MTMR2: variants seen among roughly 807,000 people sequenced by gnomAD.
The protein encoded by MTMR2 is phosphatidylinositol-3,5-bisphosphate 3-phosphatase MTMR2.
In MTMR2, 55 loss-of-function variants were observed where a neutral mutation model predicts 86.9. The ratio of observed to expected loss-of-function variants is 0.63; its 90% CI spans 0.51 to 0.79. The LOEUF is 0.79. Ranked by LOEUF, MTMR2 falls within the 30% of genes least tolerant of loss-of-function variation. The pLI is 0.00. For missense variants in MTMR2, 659 were observed against 772.3 expected (o/e 0.85, Z 1.74); for synonymous variants, 241 against 266.8 (o/e 0.90, Z 0.94).
At position 95,924,071 on chromosome 11, in the gene MTMR2, G is replaced by A. The variant is rs899952148; in HGVS notation, c.-117C>T. The A allele has an allele frequency of 1.1e-5, 15 of 1,347,242 alleles. No homozygotes were observed. In the African/African-American group the frequency reaches 1.2e-4, roughly 10 times the overall value. 83.5% of individuals were successfully genotyped at this position (1,347,242 alleles called of 1,614,324 possible). On this transcript the variant is annotated 5_prime_UTR_variant, in exon 1 of 15. Coordinates refer to ENST00000346299, the MANE Select transcript of MTMR2 (RefSeq NM_016156.6). ...CGCAGTCAGGCCAGCGCCGGCCCGG[G>A]AGGGAGACCGGAAGCGGCCATGTTC...
At chr11:95,894,852 T>C (rs1258601109) in intron 1 of MTMR2, among the ~76,000 whole-genome samples, 1 of 152,090 alleles carries the variant, frequency 6.6e-6, no homozygotes, top group Non-Finnish European at 1.5e-5. Context: ...TCACCAATAA[T>C]AACTTTTCTC....
At chr11:95,835,971 C>T (rs1863254034) in intron 14 of MTMR2, among the ~76,000 whole-genome samples, 177 bp downstream of exon 14, 1 of 151,986 alleles carries the variant, frequency 6.6e-6, no homozygotes, top group Non-Finnish European at 1.5e-5. Context: ...GTCCTAAGAA[C>T]CAGGTATACT....
intron 1 of MTMR2, among the ~76,000 whole-genome samples, chr11:95,898,515 A>AACAC (rs573847198): frequency 6.6e-6 from 1 of 151,916 alleles, no homozygotes; most frequent in African/African-American, 2.4e-5. Flanking sequence ...TGTCTCTACA[A>AACAC]ACACACACAC....
intron 2 of MTMR2, among the ~76,000 whole-genome samples, chr11:95,879,369 C>T (rs1865240951): frequency 6.6e-6 from 1 of 152,134 alleles, no homozygotes; most frequent in South Asian, 2.1e-4. Context: ...GATTTGAAAC[C>T]TGGAATCATC....
intron 1 of MTMR2, among the ~76,000 whole-genome samples, chr11:95,901,608 A>G (rs1866077002): frequency 6.6e-6 from 1 of 152,216 alleles, no homozygotes; most frequent in African/African-American, 2.4e-5. Flanking sequence ...AGAAGCAGAT[A>G]CAGAATTGGA....
At chr11:95,893,703 T>A (rs1865788832) in intron 1 of MTMR2, among the ~76,000 whole-genome samples, 1 of 152,062 alleles carries the variant, frequency 6.6e-6, no homozygotes, top group Non-Finnish European at 1.5e-5. Context: ...GTGACTTTTT[T>A]AAACCATAAC....
Position 95,862,364 on chromosome 11 carries a change from T to C in MTMR2, c.265A>G (p.Lys89Glu). 1 of 1,613,614 alleles carries C rather than the reference T, an allele frequency of 6.2e-7. No individual in the cohort carries two copies. The highest frequency in any genetic ancestry group is 8.5e-7 in the Non-Finnish European group (1 of 1,179,536). ...AATGGACATATATAAGTTACATCTT[T>C]GGCTGAAAAAGCAAGAAGTCCACAG... ...LPGENIKDMA[K>E]DVTYICPFTG... The change falls in exon 4 of 15, where the codon AAA becomes GAA. Residue 89 changes from lysine to glutamate, a missense_variant and splice_region_variant. Transcript: ENST00000346299.
At chr11:95,906,612 C>T (rs1461144727) in intron 1 of MTMR2, among the ~76,000 whole-genome samples, 1 of 152,150 alleles carries the variant, frequency 6.6e-6, no homozygotes, top group East Asian at 1.9e-4. Flanking sequence ...ATGGCACATA[C>T]TCTAAAATCG....
At position 95,841,686 on chromosome 11, in the gene MTMR2, G is replaced by A; in HGVS notation, c.1410C>T (p.Asn470=). Residue 470 remains asparagine (N), a synonymous_variant, in exon 12 of 15, where the codon AAC becomes AAT. Coordinates refer to ENST00000346299, the MANE Select transcript of MTMR2 (RefSeq NM_016156.6). ...CAGGCGATCTGTCTGCATCTGCATG[G>A]TTCTTATCTCCATGGCCAACTCTCT... ...FQLRVGHGDK[N]HADADRSPVF... 6.2e-7 allele frequency: 1 copy of A among 1,613,428 alleles called. No individual in the cohort carries two copies. Among genetic ancestry groups the A allele is most frequent in the South Asian group, 1.1e-5 (1 of 91,080 alleles).
intron 13 of MTMR2, among the ~76,000 whole-genome samples, chr11:95,837,114 G>A (rs1301910024): frequency 6.6e-6 from 1 of 151,952 alleles, no homozygotes; most frequent in Non-Finnish European, 1.5e-5. Flanking sequence ...TTAAGTTGTT[G>A]AGTGCCTGCT....
Position 95,919,121 on chromosome 11 carries a change from AGCTACT to A in MTMR2, c.80+4748_80+4753del, listed in dbSNP as rs111413625. Among the ~76,000 whole-genome samples, 858 of 152,332 alleles carry A rather than the reference AGCTACT, an allele frequency of 5.6e-3. 5 individuals carry two copies. Among genetic ancestry groups the A allele is most frequent in the African/African-American group, 8.0e-3 (333 of 41,568 alleles). On this transcript the variant is annotated intron_variant, in intron 1 of 14. Coordinates refer to ENST00000346299, the MANE Select transcript of MTMR2 (RefSeq NM_016156.6). ...CTAAACTGCTAGGATTACAGGCGTT[AGCTACT>A]GCACCTGGCCTCCAACACGTCACTC...
At chr11:95,910,282 G>A (rs998375835) in intron 1 of MTMR2, among the ~76,000 whole-genome samples, 9 of 152,072 alleles carry the variant, frequency 5.9e-5, no homozygotes, top group Non-Finnish European at 7.4e-5. Context: ...TGGTTTGGCC[G>A]AGTGTTAATG....
intron 1 of MTMR2, among the ~76,000 whole-genome samples, chr11:95,915,321 T>G (rs1866658444): frequency 6.6e-6 from 1 of 152,152 alleles, no homozygotes; most frequent in African/African-American, 2.4e-5. Flanking sequence ...CATTTGCTGC[T>G]ATCAGTAAAA....
chr11:95,855,418 A>G (rs549589537), intron 7 of MTMR2, among the ~76,000 whole-genome samples: 11 of 151,726 alleles, frequency 7.2e-5, no homozygotes, highest in African/African-American at 2.4e-4. Context: ...ACACCTGGCT[A>G]ATTTTTATTT....
chr11:95,875,328 C>T (rs899338221), intron 2 of MTMR2, among the ~76,000 whole-genome samples: 2 of 152,148 alleles, frequency 1.3e-5, no homozygotes, highest in East Asian at 1.9e-4. Flanking sequence ...CTTCTCTTCT[C>T]GCTTCATTTC....
chr11:95,836,059 A>G (rs894064362), intron 14 of MTMR2, 89 bp downstream of exon 14: 3 of 1,274,084 alleles, frequency 2.4e-6, no homozygotes, highest in African/African-American at 2.9e-5. Context: ...AGTTTTAAAT[A>G]TGCACAGATA....
chr11:95,873,250 G>A (rs1301170721), intron 2 of MTMR2, among the ~76,000 whole-genome samples: 1 of 152,086 alleles, frequency 6.6e-6, no homozygotes. Flanking sequence ...ACTTTTTTTG[G>A]TTGGTAAGCT....
intron 2 of MTMR2, among the ~76,000 whole-genome samples, chr11:95,873,453 CTT>C: frequency 6.6e-6 from 1 of 152,158 alleles, no homozygotes; most frequent in African/African-American, 2.4e-5. Context: ...CGGTGGTGAT[CTT>C]CCCTTTATCA....
chr11:95,846,826 A>T (rs1220991435), intron 10 of MTMR2, among the ~76,000 whole-genome samples: 1 of 152,172 alleles, frequency 6.6e-6, no homozygotes, highest in African/African-American at 2.4e-5. Context: ...AGTAGTGTTT[A>T]TACTTTGTGA....
Sources: gnomAD v4.1 joint callset for allele counts (sites outside exome capture counted in the v4.1 genomes callset) on GRCh38, gnomAD v4.1.1 for gene constraint, MANE v1.5 for transcripts, NCBI Gene and HGNC (gene_info 2026-07-23, HGNC 2026-07-21) for gene names.